NPAS3: variants seen among roughly 807,000 people sequenced by gnomAD.
NPAS3 encodes neuronal PAS domain protein 3, also known as neuronal PAS domain-containing protein 3.
Under a neutral mutation model 73.1 loss-of-function variants are expected in NPAS3, and 14 were observed. The ratio of observed to expected loss-of-function variants is 0.19; its 90% CI spans 0.13 to 0.30. The LOEUF (loss-of-function observed/expected upper bound fraction) is 0.30. Among genes scored for constraint, NPAS3 ranks in the 10% least tolerant of loss-of-function variants. The pLI, the probability that NPAS3 is intolerant of heterozygous loss-of-function variation, is 1.00. For synonymous variants in NPAS3, 620 were observed against 541.5 expected (o/e 1.14, Z -2.01); for missense variants, 1,096 against 1,250.0 (o/e 0.88, Z 1.86).
chr14:33,407,987 C>T (rs2047743541), intron 4 of NPAS3, among the ~76,000 whole-genome samples: 1 of 152,162 alleles, frequency 6.6e-6, no homozygotes, highest in Non-Finnish European at 1.5e-5. Flanking sequence ...ACATCTGACT[C>T]AGCCAAATAA....
At chr14:33,746,729 A>G (rs978347322) in intron 7 of NPAS3, among the ~76,000 whole-genome samples, 2 of 151,740 alleles carry the variant, frequency 1.3e-5, no homozygotes, top group Non-Finnish European at 2.9e-5. Flanking sequence ...CAGTAGGTGA[A>G]AAAACATATA....
chr14:33,015,671 T>C (rs1351277781), intron 1 of NPAS3, among the ~76,000 whole-genome samples: 1 of 152,122 alleles, frequency 6.6e-6, no homozygotes, highest in African/African-American at 2.4e-5. Context: ...CACACATATA[T>C]ACACACACAG....
At chr14:33,179,404 C>A (rs930743053) in intron 2 of NPAS3, among the ~76,000 whole-genome samples, 64 of 152,130 alleles carry the variant, frequency 4.2e-4, no homozygotes, top group African/African-American at 1.5e-3. Context: ...GTTAGAGATA[C>A]TTAAGGAGTT....
intron 2 of NPAS3, among the ~76,000 whole-genome samples, chr14:33,093,352 A>G (rs909605363): frequency 6.6e-6 from 1 of 152,242 alleles, no homozygotes; most frequent in African/African-American, 2.4e-5. Flanking sequence ...TTATGCAGCC[A>G]ACAGACACAT....
intron 4 of NPAS3, among the ~76,000 whole-genome samples, chr14:33,422,262 G>T (rs553424630): frequency 6.6e-6 from 1 of 152,040 alleles, no homozygotes; most frequent in East Asian, 1.9e-4. Context: ...TGTATATGAG[G>T]TTTGCCAACT....
At chr14:33,441,386 GA>G (rs959026279) in intron 4 of NPAS3, among the ~76,000 whole-genome samples, 1 of 125,988 alleles carries the variant, frequency 7.9e-6, no homozygotes, top group African/African-American at 3.8e-5. Context: ...GCCTAAAGTA[GA>G]AAAAAAAGAT....
intron 4 of NPAS3, among the ~76,000 whole-genome samples, chr14:33,433,053 T>C (rs1285916551): frequency 1.3e-5 from 2 of 152,206 alleles, no homozygotes; most frequent in East Asian, 3.8e-4. Context: ...ATTTTTAATG[T>C]TTATTTGTTC....
chr14:33,553,311 T>C (rs771567402), intron 4 of NPAS3, among the ~76,000 whole-genome samples: 1 of 152,220 alleles, frequency 6.6e-6, no homozygotes, highest in African/African-American at 2.4e-5. Flanking sequence ...GTTCTTCTCA[T>C]GTTTTAACAC....
intron 3 of NPAS3, among the ~76,000 whole-genome samples, chr14:33,358,933 A>G (rs2045466722): frequency 6.6e-6 from 1 of 152,064 alleles, no homozygotes; most frequent in African/African-American, 2.4e-5. Flanking sequence ...GAGATTGTTG[A>G]GCTTTGGAAA....
intron 4 of NPAS3, among the ~76,000 whole-genome samples, chr14:33,495,571 GGT>G (rs1175431724): frequency 6.6e-6 from 1 of 151,956 alleles, no homozygotes; most frequent in Non-Finnish European, 1.5e-5. Flanking sequence ...TTGACAGTGG[GGT>G]GTTAAATTCT....
intron 1 of NPAS3, among the ~76,000 whole-genome samples, chr14:33,003,616 A>C (rs1166134819): frequency 1.3e-5 from 2 of 152,190 alleles, no homozygotes; most frequent in Admixed American, 6.5e-5. Flanking sequence ...ATCTTCCCTG[A>C]ATATTTTGGA....
intron 1 of NPAS3, among the ~76,000 whole-genome samples, chr14:33,007,341 G>A (rs756076087): frequency 2.6e-5 from 4 of 152,106 alleles, no homozygotes; most frequent in Admixed American, 1.3e-4. Context: ...CAAATATTAC[G>A]AAATACTACT....
chr14:33,583,789 A>G (rs13379086), intron 5 of NPAS3, among the ~76,000 whole-genome samples: 14,220 of 152,212 alleles, frequency 0.093, 1,188 homozygotes, highest in African/African-American at 0.23. Context: ...TAAGAAAAGT[A>G]GTGGATTAAA....
At chr14:33,036,513 T>A (rs1231145449) in intron 1 of NPAS3, among the ~76,000 whole-genome samples, 4 of 152,058 alleles carry the variant, frequency 2.6e-5, no homozygotes, top group Non-Finnish European at 5.9e-5. Context: ...GAAAGCAAAA[T>A]TCCTGGACTC....
rs1325282410 is a variant in NPAS3 at position 33,784,741 on chromosome 14, A to ATT, written c.1153+6171_1153+6172dup. Among the ~76,000 whole-genome samples, 202 of 72,674 alleles carry ATT rather than the reference A, an allele frequency of 2.8e-3. 8 individuals carry two copies. Among genetic ancestry groups the ATT allele is most frequent in the Middle Eastern group, 7.2e-3 (1 of 138 alleles). 47.7% of individuals were successfully genotyped at this position (72,674 alleles called of 152,430 possible). A position where few individuals can be genotyped will look rare whatever the true frequency, so the allele number is the denominator to read the frequency against. ...GTTATTTTTATTTATTTATTTATTT[A>ATT]TTTATTTTTTTTTTTTTTTTTTTTT... On this transcript the variant is annotated intron_variant, in intron 9 of 11. Transcript: ENST00000356141.
intron 3 of NPAS3, among the ~76,000 whole-genome samples, chr14:33,338,805 C>T (rs1308626096): frequency 2.0e-5 from 3 of 152,094 alleles, no homozygotes; most frequent in Admixed American, 1.3e-4. Flanking sequence ...TGAAAAAGCT[C>T]TAATTGCAGA....
At chr14:32,959,369 C>T (rs1445613328) in intron 1 of NPAS3, among the ~76,000 whole-genome samples, 2 of 152,168 alleles carry the variant, frequency 1.3e-5, no homozygotes, top group African/African-American at 4.8e-5. Flanking sequence ...ATGTATGCAT[C>T]TGTGTGTTCA....
intron 1 of NPAS3, among the ~76,000 whole-genome samples, chr14:33,049,453 A>T (rs1339877537): frequency 6.6e-6 from 1 of 152,200 alleles, no homozygotes; most frequent in Non-Finnish European, 1.5e-5. Flanking sequence ...CCTCACAATC[A>T]TGGGGGAAGA....
chr14:33,306,251 C>A (rs562804608), intron 3 of NPAS3, among the ~76,000 whole-genome samples: 2 of 152,122 alleles, frequency 1.3e-5, no homozygotes, highest in African/African-American at 2.4e-5. Context: ...AGTAAGAAAT[C>A]TTCAGACACT....
Sources: allele counts gnomAD v4.1 joint callset (sites outside exome capture counted in the v4.1 genomes callset), GRCh38; gene constraint gnomAD v4.1.1; transcripts MANE v1.5; gene names NCBI Gene and HGNC (gene_info 2026-07-23, HGNC 2026-07-21).